B3GALNT1: variants seen among roughly 807,000 people sequenced by gnomAD.
B3GALNT1 encodes the protein UDP-GalNAc:beta-1,3-N-acetylgalactosaminyltransferase 1.
B3GALNT1 carries 17 observed loss-of-function variants against 27.3 expected under a neutral mutation model. The observed-to-expected ratio is 0.62, with a 90% CI of 0.43 to 0.94. The LOEUF is 0.94. Among genes scored for constraint, B3GALNT1 ranks in the 40% least tolerant of loss-of-function variants. B3GALNT1 has a pLI of 0.00. For missense variants in B3GALNT1, 347 were observed against 390.0 expected, an observed-to-expected ratio of 0.89 and a Z score of 0.93; for synonymous variants, 141 against 144.0, an observed-to-expected ratio of 0.98 and a Z score of 0.15.
intron 4 of B3GALNT1, 88 bp from the exon 5 acceptor site, chr3:161,086,876 G>T: frequency 7.3e-7 from 1 of 1,370,502 alleles, no homozygotes; most frequent in Non-Finnish European, 1.0e-6. Flanking sequence ...AGGAGAAAGA[G>T]TAGGAGAACA....
chr3:161,100,560 A>T (rs1730701526), intron 4 of B3GALNT1, among the ~76,000 whole-genome samples: 1 of 152,210 alleles, frequency 6.6e-6, no homozygotes, highest in African/African-American at 2.4e-5. Context: ...AAGACATATT[A>T]TATATACTGT....
chr3:161,103,649 G>T, intron 2 of B3GALNT1, 132 bp from the exon 3 acceptor site: 1 of 255,160 alleles, frequency 3.9e-6, no homozygotes, highest in South Asian at 4.0e-5. Flanking sequence ...TTTCATTTTT[G>T]GAAAAGCCTT....
In B3GALNT1 at chr3:161,101,152, G is replaced by A. The variant is rs558556676; in HGVS notation, c.-48C>T. The A allele has an allele frequency of 6.4e-5, 82 of 1,289,696 alleles. No homozygotes were observed. The highest frequency in any genetic ancestry group is 2.3e-5 in the Admixed American group (1 of 43,546). The allele number at this position is 1,289,696 out of a possible 1,614,324, so 79.9% of individuals were successfully genotyped here. ...AAGCAGACACACCTTTACACTCGGG[G>A]TGAGTAGTCGGAGAGCACCACGTGA... On this transcript the variant is annotated 5_prime_UTR_variant, in exon 4 of 5. Coordinates refer to ENST00000320474, the MANE Select transcript of B3GALNT1 (RefSeq NM_003781.4).
rs1249098599 is a variant in B3GALNT1 at position 161,086,044 on chromosome 3, G to C, written c.711C>G (p.Tyr237Ter). Residue 237 changes from tyrosine (Y) to a stop codon, truncating the protein, a stop_gained, in exon 5 of 5, where the codon TAC (tyrosine) becomes TAG (stop). Coordinates refer to ENST00000320474, the MANE Select transcript of B3GALNT1 (RefSeq NM_003781.4). LOFTEE classifies it high-confidence loss of function. ...ACATTATATAACCCAACCCACTGCA[G>C]TATGGAGGGAACACCTTGAAAGGAT... is the stretch of plus-strand genomic sequence containing the variant. ...QEYPFKVFPP[Y>*]CSGLGYIMSR... is the part of the protein sequence containing the mutation. 6.3e-7 allele frequency: 1 copy of C among 1,591,728 alleles called. No homozygotes were observed. Among genetic ancestry groups the C allele is most frequent in the Non-Finnish European group, 8.5e-7 (1 of 1,171,134 alleles).
In B3GALNT1 at chr3:161,103,430, T is replaced by G; in HGVS notation, c.-133A>C. 1.6e-6 allele frequency: 2 copies of G among 1,248,218 alleles called. No homozygotes were observed. The highest frequency in any genetic ancestry group is 2.1e-6 in the Non-Finnish European group (2 of 952,628). The allele number at this position is 1,248,218 out of a possible 1,614,324, so 77.3% of individuals were successfully genotyped here. ...AGTTAAAAGTAGATGAACTTACCTG[T>G]GGAATTCCAGATGAAATTAAAGCTT... On this transcript the variant is annotated 5_prime_UTR_variant, in exon 3 of 5. Coordinates refer to ENST00000320474, the MANE Select transcript of B3GALNT1 (RefSeq NM_003781.4).
chr3:161,096,610 C>T (rs1315987211), intron 4 of B3GALNT1, among the ~76,000 whole-genome samples: 1 of 152,188 alleles, frequency 6.6e-6, no homozygotes, highest in African/African-American at 2.4e-5. Context: ...TCCCCCACTA[C>T]CCTTTCAAAC....
At chr3:161,093,309 TATCA>T (rs1345430206) in intron 4 of B3GALNT1, among the ~76,000 whole-genome samples, 2 of 152,202 alleles carry the variant, frequency 1.3e-5, no homozygotes, top group East Asian at 3.8e-4. Flanking sequence ...TATGTACACT[TATCA>T]ATCAATAAAA....
In B3GALNT1 at chr3:161,086,196, T is replaced by C; in HGVS notation, c.559A>G (p.Thr187Ala). Reference protein sequence around the residue: ...MKTDTDVFINTGNLVKYLLNL... With the variant: ...MKTDTDVFINAGNLVKYLLNL... ...AAAAGATACTTCACTAAATTGCCAG[T>C]ATTGATGAAAACATCAGTGTCTGTC... Residue 187 changes from threonine to alanine, a missense_variant, in exon 5 of 5, where the codon ACT becomes GCT. Transcript: ENST00000320474. 6.2e-7 allele frequency: 1 copy of C among 1,614,126 alleles called. No homozygotes were observed. Among genetic ancestry groups the C allele is most frequent in the East Asian group, 2.2e-5 (1 of 44,868 alleles).
At chr3:161,090,043 T>C in intron 4 of B3GALNT1, 1 of 187,526 alleles carries the variant, frequency 5.3e-6, no homozygotes. Context: ...TACTCCAGCC[T>C]GGGCAACAGA....
At chr3:161,090,417 G>A (rs1306637913) in intron 4 of B3GALNT1, among the ~76,000 whole-genome samples, 1 of 151,846 alleles carries the variant, frequency 6.6e-6, no homozygotes, top group East Asian at 1.9e-4. Context: ...CCAATAAAAA[G>A]AATAGAAACA....
chr3:161,091,681 G>A (rs1456283437), intron 4 of B3GALNT1, among the ~76,000 whole-genome samples: 2 of 152,208 alleles, frequency 1.3e-5, no homozygotes, highest in African/African-American at 4.8e-5. Context: ...ACTTCAGATA[G>A]GTCAAAGAGA....
Position 161,085,971 on chromosome 3 carries a change from G to C in B3GALNT1, c.784C>G (p.Pro262Ala), listed in dbSNP as rs1215278683. 6.3e-7 allele frequency: 1 copy of C among 1,594,028 alleles called. No homozygotes were observed. Among genetic ancestry groups the C allele is most frequent in the Non-Finnish European group, 8.5e-7 (1 of 1,171,044 alleles). Reference protein sequence around the residue: ...RIYEMMGHVKPIKFEDVYVGI... With the variant: ...RIYEMMGHVKAIKFEDVYVGI... ...ACATAAACATCTTCAAACTTGATGG[G>C]TTTTACGTGACCCATCATTTCATAG... The change falls in exon 5 of 5, where the codon CCC (proline) becomes GCC (alanine). Residue 262 changes from proline (P) to alanine (A), a missense_variant. By Grantham distance (27) the Pro-to-Ala change is conservative. Transcript: ENST00000320474.
intron 4 of B3GALNT1, among the ~76,000 whole-genome samples, chr3:161,095,793 G>A (rs35894668): frequency 0.013 from 1,914 of 152,340 alleles, 22 homozygotes; most frequent in Non-Finnish European, 0.021. Flanking sequence ...AAGAAACTGT[G>A]AGAAACAGTT....
chr3:161,104,343 G>C lies in B3GALNT1; in HGVS notation c.-245C>G. On this transcript the variant is annotated 5_prime_UTR_variant, in exon 2 of 5. Transcript: ENST00000320474. ...CCTCTGAAAACAGAAAAAAAGACAT[G>C]GTTTGGCAATTTCTTCCTTGATAGC... is the stretch of plus-strand genomic sequence containing the variant. The C allele has an allele frequency of 7.8e-7, 1 of 1,289,672 alleles. No individual in the cohort carries two copies. The highest frequency in any genetic ancestry group is 1.0e-6 in the Non-Finnish European group (1 of 988,810). 79.9% of individuals were successfully genotyped at this position (1,289,672 alleles called of 1,614,324 possible). A position where few individuals can be genotyped will look rare whatever the true frequency, so the allele number is the denominator to read the frequency against.
intron 4 of B3GALNT1, among the ~76,000 whole-genome samples, chr3:161,089,366 A>C (rs1723704909): frequency 6.6e-6 from 1 of 151,768 alleles, no homozygotes; most frequent in Non-Finnish European, 1.5e-5. Flanking sequence ...AGGGAGGGGC[A>C]AAAAATTTTT....
chr3:161,091,580 A>G (rs1419775080), intron 4 of B3GALNT1, among the ~76,000 whole-genome samples: 2 of 152,218 alleles, frequency 1.3e-5, no homozygotes, highest in Non-Finnish European at 2.9e-5. Flanking sequence ...CTCAGTTACC[A>G]GATTCACTGT....
chr3:161,086,002 T>C lies in B3GALNT1; in HGVS notation c.753A>G (p.Pro251=), dbSNP rs1337437891. The change falls in exon 5 of 5, where the codon CCA becomes CCG. Residue 251 remains proline, a synonymous_variant. Coordinates refer to ENST00000320474, the MANE Select transcript of B3GALNT1 (RefSeq NM_003781.4). ...LGYIMSRDLV[P]RIYEMMGHVK... ...CGTGACCCATCATTTCATAGATCCTTGGCACCAAATCTCTGGACATTATAT... is the reference window on the plus strand; with the variant it reads ...CGTGACCCATCATTTCATAGATCCTCGGCACCAAATCTCTGGACATTATAT... 1 of 1,586,430 alleles carries C rather than the reference T, an allele frequency of 6.3e-7. No individual in the cohort carries two copies. Among genetic ancestry groups the C allele is most frequent in the South Asian group, 1.2e-5 (1 of 85,470 alleles).
At chr3:161,098,975 T>TA (rs1434848746) in intron 4 of B3GALNT1, among the ~76,000 whole-genome samples, 1 of 152,214 alleles carries the variant, frequency 6.6e-6, no homozygotes, top group East Asian at 1.9e-4. Flanking sequence ...GCTGGACACT[T>TA]AAAGTCCTTC....
intron 4 of B3GALNT1, among the ~76,000 whole-genome samples, chr3:161,093,529 A>G (rs1726480581): frequency 6.6e-6 from 1 of 152,194 alleles, no homozygotes; most frequent in South Asian, 2.1e-4. Flanking sequence ...ACACTGTTCT[A>G]AATCCCATGT....
Sources: allele counts gnomAD v4.1 joint callset (sites outside exome capture counted in the v4.1 genomes callset), GRCh38; gene constraint gnomAD v4.1.1; transcripts MANE v1.5; gene names NCBI Gene and HGNC (gene_info 2026-07-23, HGNC 2026-07-21).